DIAPH2: variants seen among roughly 807,000 people sequenced by gnomAD.
The protein encoded by DIAPH2 is protein diaphanous homolog 2.
A neutral mutation model predicts 92.7 loss-of-function variants in DIAPH2; 35 were observed. That is an observed-to-expected ratio of 0.38 (90% CI 0.29 to 0.50). The LOEUF (loss-of-function observed/expected upper bound fraction) is 0.50. DIAPH2 is among the 20% of genes least tolerant of loss of function. The probability of loss-of-function intolerance (pLI) is 0.94; values close to 1 mark genes in which losing one functional copy is unlikely to be tolerated. For synonymous variants in DIAPH2, 301 were observed against 280.4 expected, an observed-to-expected ratio of 1.07 and a Z score of -0.73; for missense variants, 701 against 819.5, an observed-to-expected ratio of 0.86 and a Z score of 1.77.
At chrX:97,133,124 C>G (rs768567461) in intron 21 of DIAPH2, among the ~76,000 whole-genome samples, 1 of 111,826 alleles carries the variant, frequency 8.9e-6, no homozygotes, top group South Asian at 3.8e-4. Context: ...TTAGTGATAT[C>G]CACGCTGCTT....
intron 23 of DIAPH2, among the ~76,000 whole-genome samples, chrX:97,312,345 CTTTTTTT>C (rs56309139): frequency 5.5e-5 from 3 of 54,945 alleles, no homozygotes; most frequent in African/African-American, 7.7e-5. Context: ...CAATAGAATC[CTTTTTTT>C]TTTTTTTTTT....
intron 16 of DIAPH2, among the ~76,000 whole-genome samples, chrX:96,962,432 T>TATATATAC (rs1228568447): frequency 3.7e-4 from 23 of 63,008 alleles, no homozygotes; most frequent in African/African-American, 1.4e-3. Context: ...TATATATACA[T>TATATATAC]ATATATATAC....
rs190514121 is a variant in DIAPH2 at position 96,978,547 on chromosome X, C to T, written c.2050+13340C>T. Among the ~76,000 whole-genome samples, 60 of 110,339 alleles carry T rather than the reference C, an allele frequency of 5.4e-4. No homozygotes were observed. The East Asian group carries it at 6.2e-3, about 11-fold the overall frequency. ...ATCTCGTCTATTTTAATGCATGCTT[C>T]TAGGAATACAGCTGCACTTGAAAAC... is the stretch of plus-strand genomic sequence containing the variant. On this transcript the variant is annotated intron_variant, in intron 17 of 26. Coordinates refer to ENST00000324765, the MANE Select transcript of DIAPH2 (RefSeq NM_006729.5).
At chrX:97,026,282 C>T (rs2066334438) in intron 17 of DIAPH2, among the ~76,000 whole-genome samples, 1 of 111,829 alleles carries the variant, frequency 8.9e-6, no homozygotes, top group Non-Finnish European at 1.9e-5. Flanking sequence ...ATTTATAATA[C>T]AAGTTCTGTT....
intron 5 of DIAPH2, among the ~76,000 whole-genome samples, chrX:96,897,410 T>C (rs955634419): frequency 9.0e-6 from 1 of 110,987 alleles, no homozygotes; most frequent in Non-Finnish European, 1.9e-5. Context: ...CTTTTTTTTT[T>C]CAAACAGGTC....
At chrX:97,435,314 G>A (rs1294811552) in intron 26 of DIAPH2, among the ~76,000 whole-genome samples, 1 of 111,490 alleles carries the variant, frequency 9.0e-6, no homozygotes, top group Non-Finnish European at 1.9e-5. Flanking sequence ...GCATTATACT[G>A]AGTTAGGTAC....
chrX:97,107,861 C>T (rs2066952498), intron 20 of DIAPH2, among the ~76,000 whole-genome samples: 1 of 111,289 alleles, frequency 9.0e-6, no homozygotes. Context: ...GTTTTTCTCC[C>T]ATATGTTAGG....
intron 1 of DIAPH2, among the ~76,000 whole-genome samples, chrX:96,700,656 AAATT>A (rs926867455): frequency 6.2e-5 from 7 of 112,409 alleles, no homozygotes; most frequent in African/African-American, 2.3e-4. Context: ...GGAAAAATAA[AAATT>A]AACTTGATGC....
At chrX:96,696,667 C>A (rs948965805) in intron 1 of DIAPH2, among the ~76,000 whole-genome samples, 14 of 111,986 alleles carry the variant, frequency 1.3e-4, no homozygotes, top group Non-Finnish European at 1.9e-4. Flanking sequence ...CTGGCTTCCT[C>A]TGCGTCATCC....
At chrX:97,452,335 G>C (rs993600101) in intron 26 of DIAPH2, among the ~76,000 whole-genome samples, 2 of 111,484 alleles carry the variant, frequency 1.8e-5, no homozygotes, top group Non-Finnish European at 3.8e-5. Flanking sequence ...AGCTCTATTA[G>C]AGGCAGAAAT....
At chrX:97,341,529 G>C (rs61102340) in intron 23 of DIAPH2, among the ~76,000 whole-genome samples, 1 of 109,172 alleles carries the variant, frequency 9.2e-6, no homozygotes, top group Non-Finnish European at 1.9e-5. Context: ...TCTATATATA[G>C]AGAGAGAGAA....
intron 17 of DIAPH2, among the ~76,000 whole-genome samples, chrX:96,994,372 A>T (rs1467989541): frequency 2.7e-5 from 3 of 111,794 alleles, no homozygotes; most frequent in Non-Finnish European, 5.6e-5. Flanking sequence ...TACTGCGATG[A>T]GGATGAATGG....
At chrX:97,104,074 T>C (rs1349216112) in intron 20 of DIAPH2, among the ~76,000 whole-genome samples, 2 of 111,928 alleles carry the variant, frequency 1.8e-5, no homozygotes, top group Non-Finnish European at 3.8e-5. Context: ...TTACCTTTTT[T>C]CTTTTCCTTT....
intron 5 of DIAPH2, among the ~76,000 whole-genome samples, chrX:96,898,717 G>A (rs1346915973): frequency 9.4e-6 from 1 of 106,426 alleles, no homozygotes; most frequent in African/African-American, 3.4e-5. Flanking sequence ...CTGTGCAGAA[G>A]CTCTTTAGTT....
At chrX:97,458,264 G>A (rs774055223) in intron 26 of DIAPH2, among the ~76,000 whole-genome samples, 2 of 108,220 alleles carry the variant, frequency 1.8e-5, no homozygotes, top group Non-Finnish European at 3.8e-5. Context: ...TAATTTTCAG[G>A]GGTTTTTTTT....
chrX:96,761,199 C>G (rs1458443417), intron 4 of DIAPH2, among the ~76,000 whole-genome samples: 1 of 111,127 alleles, frequency 9.0e-6, no homozygotes, highest in Non-Finnish European at 1.9e-5. Flanking sequence ...TCACCGAAGT[C>G]CCAACGTTAG....
At chrX:97,107,469 A>T (rs1030622909) in intron 20 of DIAPH2, among the ~76,000 whole-genome samples, 4 of 111,916 alleles carry the variant, frequency 3.6e-5, no homozygotes, top group African/African-American at 1.3e-4. Context: ...TATTAGAATG[A>T]GTATAAGTAG....
chrX:96,885,357 C>G, intron 5 of DIAPH2: 1 of 207,353 alleles, frequency 4.8e-6, no homozygotes, highest in African/African-American at 3.3e-5. Context: ...GGAAGAAAAA[C>G]TACAGAAAAT....
At chrX:97,474,941 G>A (rs892072988) in intron 26 of DIAPH2, among the ~76,000 whole-genome samples, 1 of 110,407 alleles carries the variant, frequency 9.1e-6, no homozygotes, top group African/African-American at 3.3e-5. Context: ...TGAAGTCTCC[G>A]CATCCCCCAT....
Sources: allele counts gnomAD v4.1 joint callset (sites outside exome capture counted in the v4.1 genomes callset), GRCh38; gene constraint gnomAD v4.1.1; transcripts MANE v1.5; gene names NCBI Gene and HGNC (gene_info 2026-07-23, HGNC 2026-07-21).